Variants in TUSC3 observed in about 807,000 individuals in gnomAD.
TUSC3 encodes the protein dolichyl-diphosphooligosaccharide--protein glycosyltransferase subunit TUSC3.
A neutral mutation model predicts 44.8 loss-of-function variants in TUSC3; 45 were observed. The observed-to-expected ratio is 1.00, with a 90% confidence interval of 0.79 to 1.29. TUSC3 has a LOEUF of 1.29. Ranked by LOEUF, TUSC3 falls within the 50% of genes most tolerant of loss-of-function variation. The pLI is 0.00. For synonymous variants in TUSC3, 212 were observed against 152.9 expected, an observed-to-expected ratio of 1.39 and a Z score of -2.85; for missense variants, 519 against 437.9, an observed-to-expected ratio of 1.19 and a Z score of -1.65.
the TUSC3 span, among the ~76,000 whole-genome samples, chr8:15,842,755 C>T: frequency 1.3e-5 from 2 of 152,140 alleles, no homozygotes; most frequent in South Asian, 2.1e-4. Context: ...CGAGAAGGTC[C>T]TTTGGTATTG....
chr8:15,513,902 T>G (rs1176051723), intron 2 of TUSC3, among the ~76,000 whole-genome samples: 1 of 152,164 alleles, frequency 6.6e-6, no homozygotes, highest in East Asian at 1.9e-4. Flanking sequence ...GTCCTCCATC[T>G]CCTTTGCCTC....
At chr8:15,423,170 A>C (rs1354713176) in intron 1 of TUSC3, among the ~76,000 whole-genome samples, 1 of 152,142 alleles carries the variant, frequency 6.6e-6, no homozygotes, top group Non-Finnish European at 1.5e-5. Flanking sequence ...GAATCTGTTC[A>C]TTTGCACATG....
At chr8:15,711,079 A>G (rs2129199649) in intron 6 of TUSC3, among the ~76,000 whole-genome samples, 1 of 151,796 alleles carries the variant, frequency 6.6e-6, no homozygotes, top group East Asian at 1.9e-4. Flanking sequence ...GTAGACATTA[A>G]AACAGTAGTC....
intron 1 of TUSC3, among the ~76,000 whole-genome samples, chr8:15,590,180 G>A (rs1585131281): frequency 2.6e-5 from 4 of 152,310 alleles, no homozygotes; most frequent in African/African-American, 9.6e-5. Flanking sequence ...TGTACAGCCT[G>A]CTAATGCTTT....
At chr8:15,570,717 T>A (rs559845966) in intron 1 of TUSC3, among the ~76,000 whole-genome samples, 1 of 152,058 alleles carries the variant, frequency 6.6e-6, no homozygotes, top group Admixed American at 6.5e-5. Flanking sequence ...GTAATTTGCC[T>A]GGAATCATGC....
Position 15,748,756 on chromosome 8 carries a change from C to G in TUSC3, c.1028+291C>G, listed in dbSNP as rs1344158326. ...GAGGACTTGAAAATTTTTATCTTCCCTTAGTTTGTCGTGATTTCGACTTCA... is the reference window on the plus strand; with the variant it reads ...GAGGACTTGAAAATTTTTATCTTCCGTTAGTTTGTCGTGATTTCGACTTCA... On this transcript the variant is annotated intron_variant, in intron 9 of 10. Transcript: ENST00000503731. The G allele has an allele frequency of 8.8e-6, 5 of 567,222 alleles. No individual in the cohort carries two copies. In the East Asian group the frequency reaches 1.8e-4, roughly 20 times the overall value. The allele number at this position is 567,222 out of a possible 1,614,324, so 35.1% of individuals were successfully genotyped here. A position where few individuals can be genotyped will look rare whatever the true frequency, so the allele number is the denominator to read the frequency against.
chr8:15,623,040 T>C, intron 1 of TUSC3, 40 bp from the exon 2 acceptor site: 1 of 1,602,420 alleles, frequency 6.2e-7, no homozygotes, highest in Non-Finnish European at 8.5e-7. Flanking sequence ...CAAAAGGACT[T>C]TGACTCTTTG....
intron 9 of TUSC3, among the ~76,000 whole-genome samples, chr8:15,751,519 G>GTGAT (rs1811703078): frequency 6.6e-6 from 1 of 152,150 alleles, no homozygotes; most frequent in Non-Finnish European, 1.5e-5. Context: ...CTAGGAGGAA[G>GTGAT]TGATTGGCTA....
chr8:15,674,508 A>T (rs928399229), intron 6 of TUSC3, among the ~76,000 whole-genome samples: 3 of 151,946 alleles, frequency 2.0e-5, no homozygotes, highest in Admixed American at 2.0e-4. Context: ...TTTGGAAAAG[A>T]TACGTATTTT....
rs565037147 is a variant in TUSC3 at position 15,684,132 on chromosome 8, C to T, written c.798+10296C>T. Among the ~76,000 whole-genome samples the T allele has an allele frequency of 2.4e-4, 36 of 152,250 alleles. No homozygotes were observed. The East Asian group carries it at 6.8e-3, about 29-fold the overall frequency. On this transcript the variant is annotated intron_variant, in intron 6 of 10. Transcript: ENST00000503731. ...GGAAGGCGGGGGCCATATATGACTG[C>T]CTCTCTGGTTTCTGAGATTTGGTGG...
chr8:15,632,310 A>G (rs956740340), intron 2 of TUSC3, among the ~76,000 whole-genome samples: 4 of 152,092 alleles, frequency 2.6e-5, no homozygotes, highest in African/African-American at 9.7e-5. Flanking sequence ...ATAGTGTCCC[A>G]TGCTCTGGAT....
At chr8:15,638,303 A>C (rs2129170625) in intron 2 of TUSC3, among the ~76,000 whole-genome samples, 1 of 152,066 alleles carries the variant, frequency 6.6e-6, no homozygotes, top group Admixed American at 6.5e-5. Context: ...TATATTCTGT[A>C]GGATTCTTTT....
At chr8:15,476,216 T>A (rs1800573741) in intron 1 of TUSC3, among the ~76,000 whole-genome samples, 1 of 152,190 alleles carries the variant, frequency 6.6e-6, no homozygotes, top group Non-Finnish European at 1.5e-5. Flanking sequence ...TAATGTCTAA[T>A]CCAATGTGAA....
intron 2 of TUSC3, among the ~76,000 whole-genome samples, chr8:15,498,461 C>T (rs1430002879): frequency 6.6e-6 from 1 of 152,148 alleles, no homozygotes; most frequent in Non-Finnish European, 1.5e-5. Flanking sequence ...CGGAAAACTA[C>T]AGTTTAAGAG....
At chr8:15,692,428 CTCT>C (rs1347718930) in intron 6 of TUSC3, among the ~76,000 whole-genome samples, 1 of 116,610 alleles carries the variant, frequency 8.6e-6, no homozygotes, top group Admixed American at 1.2e-4. Context: ...ATGGTACCAG[CTCT>C]TCTTTATACA....
intron 1 of TUSC3, among the ~76,000 whole-genome samples, chr8:15,587,705 A>T (rs1259911541): frequency 6.6e-6 from 1 of 151,872 alleles, no homozygotes; most frequent in East Asian, 1.9e-4. Flanking sequence ...GTATTAACCA[A>T]CCTCACCCTA....
Position 15,592,834 on chromosome 8 carries a change from C to T in TUSC3, c.139-30246C>T, listed in dbSNP as rs887830458. ...ATGTGATACAGGTACCCTTAATCCT[C>T]ATTTTAAAGATGAGGAAAACGAGGC... On this transcript the variant is annotated intron_variant, in intron 1 of 10. Coordinates refer to ENST00000503731, the MANE Select transcript of TUSC3 (RefSeq NM_006765.4). 1.3e-5 allele frequency among the ~76,000 whole-genome samples: 2 copies of T among 152,124 alleles called. 1 individual carries two copies. Among genetic ancestry groups the T allele is most frequent in the African/African-American group, 4.8e-5 (2 of 41,422 alleles).
At chr8:15,445,929 G>C (rs577804193) in intron 1 of TUSC3, among the ~76,000 whole-genome samples, 54 of 151,040 alleles carry the variant, frequency 3.6e-4, no homozygotes, top group African/African-American at 1.2e-3. Context: ...CCTTCCGGAC[G>C]GGGCGGCTGG....
intron 1 of TUSC3, among the ~76,000 whole-genome samples, chr8:15,601,651 G>T (rs1441680898): frequency 2.0e-5 from 3 of 151,560 alleles, no homozygotes; most frequent in Non-Finnish European, 4.4e-5. Context: ...AATCTATTCT[G>T]TAGCAATAGG....
Sources: gnomAD v4.1 joint callset for allele counts (sites outside exome capture counted in the v4.1 genomes callset) on GRCh38, gnomAD v4.1.1 for gene constraint, MANE v1.5 for transcripts, NCBI Gene and HGNC (gene_info 2026-07-23, HGNC 2026-07-21) for gene names.